Variants in LPIN2 observed in about 807,000 individuals in gnomAD.
The protein encoded by LPIN2 is lipin 2.
LPIN2 carries 55 observed loss-of-function variants against 111.4 expected under a neutral mutation model. The observed-to-expected ratio is 0.49, with a 90% CI of 0.40 to 0.62. The LOEUF is 0.62. Among genes scored for constraint, LPIN2 ranks in the 20% least tolerant of loss-of-function variants. The probability of loss-of-function intolerance (pLI) is 0.00; values close to 1 mark genes in which losing one functional copy is unlikely to be tolerated. For synonymous variants in LPIN2, 425 were observed against 414.0 expected (o/e 1.03, Z -0.32); for missense variants, 992 against 1,112.1 (o/e 0.89, Z 1.54).
intron 1 of LPIN2, among the ~76,000 whole-genome samples, chr18:3,009,796 A>C (rs990497553): frequency 3.3e-5 from 5 of 152,240 alleles, no homozygotes; most frequent in African/African-American, 1.2e-4. Context: ...CTGATCACCG[A>C]AATACAACAT....
chr18:2,989,482 G>A (rs898835585), intron 1 of LPIN2, among the ~76,000 whole-genome samples: 1 of 152,046 alleles, frequency 6.6e-6, no homozygotes, highest in South Asian at 2.1e-4. Context: ...TACCTAAAGC[G>A]ATCTTCAAAT....
chr18:3,005,686 C>CACACACAG (rs1285189443), intron 1 of LPIN2, among the ~76,000 whole-genome samples: 1 of 150,708 alleles, frequency 6.6e-6, no homozygotes, highest in African/African-American at 2.5e-5. Flanking sequence ...TACACACACA[C>CACACACAG]ACACACACAC....
intron 1 of LPIN2, among the ~76,000 whole-genome samples, chr18:2,982,102 A>C (rs928343403): frequency 1.3e-5 from 2 of 152,166 alleles, no homozygotes; most frequent in Non-Finnish European, 2.9e-5. Context: ...ACAAGAGAGA[A>C]AACTCTGGAT....
At chr18:2,984,861 G>C (rs1341322724) in intron 1 of LPIN2, among the ~76,000 whole-genome samples, 1 of 151,994 alleles carries the variant, frequency 6.6e-6, no homozygotes, top group Non-Finnish European at 1.5e-5. Context: ...GACCAAGAAA[G>C]AACATGCTGG....
intron 1 of LPIN2, among the ~76,000 whole-genome samples, chr18:2,995,032 A>T (rs2078320862): frequency 6.6e-6 from 1 of 152,170 alleles, no homozygotes; most frequent in Non-Finnish European, 1.5e-5. Context: ...AGGTCAACCT[A>T]AGCTTCACAG....
chr18:2,931,219 C>T, intron 9 of LPIN2, 37 bp downstream of exon 9: 1 of 1,605,348 alleles, frequency 6.2e-7, no homozygotes, highest in South Asian at 1.1e-5. Context: ...CCAGATTGCT[C>T]TCTGAAATGA....
intron 1 of LPIN2, among the ~76,000 whole-genome samples, chr18:2,982,399 A>G (rs1271223421): frequency 6.6e-6 from 1 of 151,776 alleles, no homozygotes; most frequent in Non-Finnish European, 1.5e-5. Flanking sequence ...CAGCAACTTC[A>G]TTTTTTTCCT....
intron 4 of LPIN2, among the ~76,000 whole-genome samples, chr18:2,942,238 G>A (rs2077376240): frequency 6.6e-6 from 1 of 152,032 alleles, no homozygotes; most frequent in African/African-American, 2.4e-5. Context: ...CCTTACTCTG[G>A]CATACCACTC....
intron 1 of LPIN2, 71 bp from the exon 2 acceptor site, chr18:2,960,920 G>C (rs1049855878): frequency 2.3e-6 from 3 of 1,305,216 alleles, no homozygotes; most frequent in East Asian, 2.5e-5. Flanking sequence ...AATAACAGTC[G>C]TAACAAAAAT....
intron 1 of LPIN2, among the ~76,000 whole-genome samples, chr18:3,007,181 T>A (rs1291963301): frequency 6.6e-6 from 1 of 152,166 alleles, no homozygotes; most frequent in East Asian, 1.9e-4. Flanking sequence ...TTTTTATTTA[T>A]CTTTTTTGAG....
At chr18:2,937,544 TAAAAAA>T (rs71366618) in intron 7 of LPIN2, 142 bp downstream of exon 7, 2,771 of 343,310 alleles carry the variant, frequency 8.1e-3, no homozygotes, top group East Asian at 0.018. Context: ...AAACTCCAGC[TAAAAAA>T]AAAAAAAAAA....
intron 4 of LPIN2, among the ~76,000 whole-genome samples, chr18:2,949,211 T>G (rs1483431649): frequency 1.3e-5 from 2 of 152,180 alleles, no homozygotes; most frequent in East Asian, 1.9e-4. Context: ...AAAGACTGAA[T>G]GAAGGAAGGA....
chr18:2,992,095 AGAACT>A (rs753132586), intron 1 of LPIN2, among the ~76,000 whole-genome samples: 2 of 152,216 alleles, frequency 1.3e-5, no homozygotes, highest in Non-Finnish European at 2.9e-5. Flanking sequence ...CATACACAAA[AGAACT>A]GAAAACAGAC....
chr18:2,986,199 T>G (rs959597925), intron 1 of LPIN2, among the ~76,000 whole-genome samples: 1 of 152,224 alleles, frequency 6.6e-6, no homozygotes, highest in African/African-American at 2.4e-5. Flanking sequence ...CAAGATAAAA[T>G]TCCTCTTGCT....
intron 12 of LPIN2, among the ~76,000 whole-genome samples, chr18:2,927,481 C>T (rs1161909864): frequency 1.3e-5 from 2 of 152,156 alleles, no homozygotes; most frequent in African/African-American, 4.8e-5. Flanking sequence ...TATGTGACTT[C>T]GTGAAGCACC....
intron 5 of LPIN2, 41 bp downstream of exon 5, chr18:2,940,564 C>T (rs766096508): frequency 8.3e-7 from 1 of 1,206,732 alleles, no homozygotes; most frequent in African/African-American, 1.5e-5. Context: ...AATACATCTC[C>T]TTCCTCTTTC....
chr18:2,923,528 C>A (rs1300986276), intron 16 of LPIN2, among the ~76,000 whole-genome samples: 3 of 150,904 alleles, frequency 2.0e-5, no homozygotes, highest in Admixed American at 6.6e-5. Context: ...AACTGTCATT[C>A]TAGTTATAGA....
At chr18:2,932,856 G>A (rs895493482) in intron 8 of LPIN2, among the ~76,000 whole-genome samples, 1 of 152,182 alleles carries the variant, frequency 6.6e-6, no homozygotes, top group African/African-American at 2.4e-5. Context: ...CTGAATCCCT[G>A]TGGGCAAGGC....
chr18:3,010,199 T>C (rs2078579610), intron 1 of LPIN2, among the ~76,000 whole-genome samples: 1 of 152,130 alleles, frequency 6.6e-6, no homozygotes, highest in African/African-American at 2.4e-5. Context: ...AATAGTGTGT[T>C]ACTAAAATGA....
Sources: gnomAD v4.1 joint callset for allele counts (sites outside exome capture counted in the v4.1 genomes callset) on GRCh38, gnomAD v4.1.1 for gene constraint, MANE v1.5 for transcripts, NCBI Gene and HGNC (gene_info 2026-07-23, HGNC 2026-07-21) for gene names.